Variants in RAPGEF5 observed in about 807,000 individuals in gnomAD.
RAPGEF5 encodes the protein Rap guanine nucleotide exchange factor 5.
Under a neutral mutation model 125.2 loss-of-function variants are expected in RAPGEF5, and 65 were observed. That is an observed-to-expected ratio of 0.52 (90% CI 0.43 to 0.64). RAPGEF5 has a LOEUF of 0.64. RAPGEF5 is among the 30% of genes least tolerant of loss of function. The pLI, the probability that RAPGEF5 is intolerant of heterozygous loss-of-function variation, is 0.00. For synonymous variants in RAPGEF5, 391 were observed against 385.9 expected (o/e 1.01, Z -0.16); for missense variants, 958 against 1,048.1 (o/e 0.91, Z 1.19).
At chr7:22,161,442 T>C (rs968853607) in intron 13 of RAPGEF5, among the ~76,000 whole-genome samples, 1 of 151,324 alleles carries the variant, frequency 6.6e-6, no homozygotes, top group Non-Finnish European at 1.5e-5. Flanking sequence ...GAGGGTGAAG[T>C]GCAAGGATCT....
chr7:22,268,168 T>G (rs35499551), intron 6 of RAPGEF5, among the ~76,000 whole-genome samples: 3,380 of 152,300 alleles, frequency 0.022, 67 homozygotes, highest in Admixed American at 0.054. Flanking sequence ...TTGATTTAGC[T>G]GATTCTTTGA....
chr7:22,220,556 T>C (rs952504233), intron 8 of RAPGEF5, among the ~76,000 whole-genome samples: 3 of 152,126 alleles, frequency 2.0e-5, no homozygotes, highest in African/African-American at 7.2e-5. Flanking sequence ...GCATAAAAGA[T>C]GGTGAAATAT....
intron 11 of RAPGEF5, among the ~76,000 whole-genome samples, chr7:22,176,152 C>T (rs977935583): frequency 3.9e-5 from 6 of 152,204 alleles, no homozygotes; most frequent in Middle Eastern, 6.8e-3. Flanking sequence ...ACAGCGTGTG[C>T]GGGGGAACTC....
At chr7:22,220,137 A>C (rs75356627) in intron 8 of RAPGEF5, 146 bp from the exon 9 acceptor site, 2 of 1,065,852 alleles carry the variant, frequency 1.9e-6, no homozygotes, top group Non-Finnish European at 2.7e-6. Flanking sequence ...GCCTTTCAAA[A>C]ATTGAAGTTA....
intron 11 of RAPGEF5, among the ~76,000 whole-genome samples, chr7:22,177,669 C>T (rs947979809): frequency 1.3e-5 from 2 of 152,216 alleles, no homozygotes; most frequent in Non-Finnish European, 2.9e-5. Flanking sequence ...CCCCTCATAT[C>T]CACCCTAGAA....
At chr7:22,304,281 C>T (rs1464447173) in intron 5 of RAPGEF5, among the ~76,000 whole-genome samples, 2 of 152,110 alleles carry the variant, frequency 1.3e-5, no homozygotes, top group African/African-American at 4.8e-5. Flanking sequence ...TCCATAGGTT[C>T]CCCAATGACA....
intron 1 of RAPGEF5, among the ~76,000 whole-genome samples, chr7:22,353,413 G>C (rs1784364327): frequency 6.6e-6 from 1 of 152,116 alleles, no homozygotes; most frequent in Admixed American, 6.5e-5. Context: ...GCAAAGTTTT[G>C]CTGTTGTTTT....
intron 1 of RAPGEF5, among the ~76,000 whole-genome samples, chr7:22,338,909 G>C (rs1784074277): frequency 1.3e-5 from 2 of 152,290 alleles, no homozygotes; most frequent in Middle Eastern, 3.4e-3. Context: ...TTTGTTAACT[G>C]TCTCTAAAAT....
chr7:22,141,801 T>A (rs1783270229), intron 20 of RAPGEF5, among the ~76,000 whole-genome samples: 1 of 152,196 alleles, frequency 6.6e-6, no homozygotes, highest in African/African-American at 2.4e-5. Context: ...TGTACCTTCA[T>A]CCAAGTGACC....
intron 18 of RAPGEF5, among the ~76,000 whole-genome samples, chr7:22,150,071 T>C (rs1343675062): frequency 1.6e-5 from 2 of 123,816 alleles, no homozygotes; most frequent in East Asian, 5.2e-4. Context: ...GGTACGTGTG[T>C]TCCTTTTTTT....
At chr7:22,254,372 G>A (rs972640131) in intron 7 of RAPGEF5, among the ~76,000 whole-genome samples, 6 of 151,806 alleles carry the variant, frequency 4.0e-5, no homozygotes, top group African/African-American at 1.5e-4. Flanking sequence ...GCTTTGGGAG[G>A]ACGAGGCGGG....
intron 2 of RAPGEF5, among the ~76,000 whole-genome samples, chr7:22,315,749 T>C (rs894547171): frequency 1.3e-5 from 2 of 151,868 alleles, no homozygotes; most frequent in African/African-American, 2.4e-5. Context: ...ACTACAGTTA[T>C]AAATAATTTT....
chr7:22,349,519 TAAAGA>T (rs1222619910), intron 1 of RAPGEF5, among the ~76,000 whole-genome samples: 5 of 151,914 alleles, frequency 3.3e-5, no homozygotes, highest in African/African-American at 1.2e-4. Flanking sequence ...TAAATGTTCC[TAAAGA>T]AAAGAAAAAT....
chr7:22,300,082 G>A (rs1282164606), intron 5 of RAPGEF5, among the ~76,000 whole-genome samples: 2 of 151,948 alleles, frequency 1.3e-5, no homozygotes, highest in African/African-American at 4.8e-5. Flanking sequence ...CAATCTCTTT[G>A]TCCTCTCCTG....
chr7:22,218,101 T>C (rs991606487), intron 9 of RAPGEF5, among the ~76,000 whole-genome samples: 5 of 152,206 alleles, frequency 3.3e-5, no homozygotes, highest in African/African-American at 1.2e-4. Flanking sequence ...TATCTCCTAA[T>C]GCTATCCCTA....
chr7:22,299,209 A>T (rs1045012225), intron 5 of RAPGEF5, among the ~76,000 whole-genome samples: 4 of 152,084 alleles, frequency 2.6e-5, no homozygotes, highest in African/African-American at 9.7e-5. Context: ...AAGCATTAAA[A>T]TCTATCGATA....
intron 18 of RAPGEF5, 72 bp from the exon 19 acceptor site, chr7:22,147,091 A>C: frequency 6.5e-7 from 1 of 1,539,426 alleles, no homozygotes; most frequent in Non-Finnish European, 8.8e-7. Flanking sequence ...GGCTGTAGAA[A>C]GGCACTAGAA....
At chr7:22,290,661 C>G (rs1174617175) in intron 6 of RAPGEF5, among the ~76,000 whole-genome samples, 1 of 146,046 alleles carries the variant, frequency 6.8e-6, no homozygotes, top group Non-Finnish European at 1.5e-5. Flanking sequence ...AGGAGAATGG[C>G]GTGAACCCGG....
chr7:22,138,864 G>A (rs1448966991), intron 21 of RAPGEF5, among the ~76,000 whole-genome samples: 1 of 152,176 alleles, frequency 6.6e-6, no homozygotes, highest in African/African-American at 2.4e-5. Context: ...GCTCCCCACT[G>A]ACCCTTGCCA....
Sources: gnomAD v4.1 joint callset for allele counts (sites outside exome capture counted in the v4.1 genomes callset) on GRCh38, gnomAD v4.1.1 for gene constraint, MANE v1.5 for transcripts, NCBI Gene and HGNC (gene_info 2026-07-23, HGNC 2026-07-21) for gene names.